The following ABCA6 variants were observed in gnomAD, a reference collection of about 807,000 sequenced individuals.
ABCA6 encodes the protein ATP binding cassette subfamily A member 6.
In ABCA6, 164 loss-of-function variants were observed where a neutral mutation model predicts 191.2. That is an observed-to-expected ratio of 0.86 (90% CI 0.76 to 0.98). The LOEUF is 0.98. Among genes scored for constraint, ABCA6 ranks in the 50% least tolerant of loss-of-function variants. The pLI, the probability that ABCA6 is intolerant of heterozygous loss-of-function variation, is 0.00. For missense variants in ABCA6, 1,958 were observed against 1,894.1 expected (o/e 1.03, Z -0.63); for synonymous variants, 636 against 647.7 (o/e 0.98, Z 0.27).
chr17:69,080,681 A>T (rs1233311817), intron 37 of ABCA6, among the ~76,000 whole-genome samples: 1 of 152,194 alleles, frequency 6.6e-6, no homozygotes. Context: ...GAGGGATAAA[A>T]GTGGGAAGGA....
At chr17:69,124,378 G>A (rs541182467) in intron 9 of ABCA6, among the ~76,000 whole-genome samples, 9 of 151,984 alleles carry the variant, frequency 5.9e-5, no homozygotes, top group South Asian at 4.1e-4. Context: ...CTGGGCTTAC[G>A]TGACATTTTT....
At chr17:69,139,405 T>C (rs921463020) in intron 2 of ABCA6, among the ~76,000 whole-genome samples, 4 of 152,152 alleles carry the variant, frequency 2.6e-5, no homozygotes, top group African/African-American at 9.7e-5. Flanking sequence ...AGATACCATC[T>C]CACACCAGTT....
At chr17:69,084,235 C>T (rs753223678) in intron 34 of ABCA6, 26 bp downstream of exon 34, 4 of 1,607,392 alleles carry the variant, frequency 2.5e-6, no homozygotes, top group Non-Finnish European at 3.4e-6. Context: ...TGCATGCTCG[C>T]AGCTCTGGGG....
chr17:69,123,876 A>T (rs914411264), intron 9 of ABCA6, among the ~76,000 whole-genome samples: 5 of 152,028 alleles, frequency 3.3e-5, no homozygotes, highest in Non-Finnish European at 7.4e-5. Context: ...TAGGCTCATG[A>T]AAAACAGATT....
intron 6 of ABCA6, among the ~76,000 whole-genome samples, chr17:69,133,255 C>T (rs555469913): frequency 8.5e-4 from 130 of 152,322 alleles, no homozygotes; most frequent in African/African-American, 2.9e-3. Context: ...GAGAAATCAA[C>T]TGTTAACTGT....
chr17:69,106,687 T>C (rs978371281), intron 18 of ABCA6, among the ~76,000 whole-genome samples: 3 of 152,172 alleles, frequency 2.0e-5, no homozygotes, highest in Non-Finnish European at 2.9e-5. Flanking sequence ...ATTTATTGTT[T>C]ATACTTCACC....
At position 69,134,726 on chromosome 17, in the gene ABCA6, T is replaced by C; in HGVS notation, c.477A>G (p.Gly159=). 1 of 1,613,216 alleles carries C rather than the reference T, an allele frequency of 6.2e-7. No individual in the cohort carries two copies. The highest frequency in any genetic ancestry group is 8.5e-7 in the Non-Finnish European group (1 of 1,179,622). ...TCAATGTACATGAAAACTCACCATA[T>C]CCATCCCAGCAATGAGCTGTAAGCA... ...KEDFSAHCWD[G]YGEFSCTLTK... is the part of the protein sequence containing the mutation. The change falls in exon 5 of 39, where the codon GGA becomes GGG. Residue 159 remains glycine, a synonymous_variant. Transcript: ENST00000284425.
At chr17:69,117,539 T>C (rs563249545) in intron 11 of ABCA6, among the ~76,000 whole-genome samples, 22 of 152,180 alleles carry the variant, frequency 1.4e-4, no homozygotes, top group African/African-American at 4.8e-4. Context: ...CACCAGTACA[T>C]ATAAACTATG....
intron 14 of ABCA6, 101 bp from the exon 15 acceptor site, chr17:69,113,461 C>T (rs2073472694): frequency 6.6e-7 from 1 of 1,515,110 alleles, no homozygotes; most frequent in South Asian, 1.2e-5. Context: ...AATAACCATC[C>T]AGCCATTTTT....
chr17:69,114,727 T>C (rs1368521654), intron 13 of ABCA6, 35 bp downstream of exon 13: 4 of 1,563,938 alleles, frequency 2.6e-6, no homozygotes, highest in Non-Finnish European at 3.5e-6. Flanking sequence ...TGGTAAGTGG[T>C]TGGCAGGTCA....
At chr17:69,087,661 A>G (rs758255) in intron 28 of ABCA6, 188 bp from the exon 29 acceptor site, 658,599 of 691,742 alleles carry the variant, frequency 0.95, 313,693 homozygotes, top group East Asian at 1. Context: ...TCCTTTTCTT[A>G]ATGTTGTTGC....
intron 1 of ABCA6, among the ~76,000 whole-genome samples, chr17:69,141,047 T>C (rs1306260732): frequency 1.3e-5 from 2 of 152,046 alleles, no homozygotes; most frequent in East Asian, 3.9e-4. Context: ...TTTAAGTACA[T>C]GAATAGAGTG....
Position 69,128,669 on chromosome 17 carries a change from A to G in ABCA6, c.1069T>C (p.Trp357Arg). The G allele has an allele frequency of 1.2e-6, 2 of 1,613,386 alleles. No homozygotes were observed. The highest frequency in any genetic ancestry group is 1.7e-6 in the Non-Finnish European group (2 of 1,179,538). Residue 357 changes from tryptophan to arginine, a missense_variant, in exon 8 of 39, where the codon TGG (tryptophan) becomes CGG (arginine). Trp to Arg is a moderately radical substitution (Grantham distance 101, BLOSUM62 -3). Coordinates refer to ENST00000284425, the MANE Select transcript of ABCA6 (RefSeq NM_080284.3). ...AAAGGGCTACAAATATTCAAAATCC[A>G]CTCCAGAGATGAAGGAAGTTGTTCA... ...FYEQLPSSLE[W>R]ILNICSPFAF...
intron 12 of ABCA6, 95 bp downstream of exon 12, chr17:69,115,281 T>G: frequency 1.2e-6 from 1 of 854,628 alleles, no homozygotes; most frequent in East Asian, 2.6e-5. Flanking sequence ...TTATTTCTCT[T>G]AAGCCATCAA....
rs1396854922 is a variant in ABCA6, at chr17:69,110,956, AAAGAT to A, written c.2133-21_2133-17del. On this transcript the variant is annotated splice_polypyrimidine_tract_variant and intron_variant, in intron 16 of 38. Coordinates refer to ENST00000284425, the MANE Select transcript of ABCA6 (RefSeq NM_080284.3). Reference sequence around the variant, plus strand: ...CCTATGTAAACTAATATTTAAAAGAAAAGATAAGTCATTTGCATTTTCTCCACCAC... The same window carrying A: ...CCTATGTAAACTAATATTTAAAAGAAAAGTCATTTGCATTTTCTCCACCAC... 4 of 1,576,844 alleles carry A rather than the reference AAAGAT, an allele frequency of 2.5e-6. No homozygotes were observed. The highest frequency in any genetic ancestry group is 1.7e-6 in the Non-Finnish European group (2 of 1,165,436).
intron 37 of ABCA6, among the ~76,000 whole-genome samples, chr17:69,080,802 G>T (rs1248989939): frequency 6.6e-6 from 1 of 152,052 alleles, no homozygotes; most frequent in Non-Finnish European, 1.5e-5. Flanking sequence ...TTTTAGAGGG[G>T]GATGCCATGG....
At chr17:69,113,807 GA>G in intron 13 of ABCA6, 70 bp from the exon 14 acceptor site, 1 of 1,405,880 alleles carries the variant, frequency 7.1e-7, no homozygotes, top group Non-Finnish European at 9.7e-7. Context: ...AAAGACACAT[GA>G]AAAAATGCTC....
intron 37 of ABCA6, among the ~76,000 whole-genome samples, chr17:69,080,444 TGTTGGGAATGACGGG>T (rs775419583): frequency 1.8e-4 from 28 of 152,106 alleles, no homozygotes; most frequent in Non-Finnish European, 3.1e-4. Flanking sequence ...AATGGTCTGC[TGTTGGGAATGACGGG>T]GTTGAAAGCA....
intron 37 of ABCA6, among the ~76,000 whole-genome samples, chr17:69,079,790 A>C (rs908248148): frequency 2.0e-5 from 3 of 152,232 alleles, no homozygotes; most frequent in African/African-American, 7.2e-5. Context: ...AACAGTCAAG[A>C]AAATAGACAA....
Sources: gnomAD v4.1 joint callset for allele counts (sites outside exome capture counted in the v4.1 genomes callset) on GRCh38, gnomAD v4.1.1 for gene constraint, MANE v1.5 for transcripts, NCBI Gene and HGNC (gene_info 2026-07-23, HGNC 2026-07-21) for gene names.